WWC1: variants seen among roughly 807,000 people sequenced by gnomAD.
WWC1 encodes the protein WW and C2 domain containing 1.
WWC1 carries 55 observed loss-of-function variants against 138.4 expected under a neutral mutation model. The observed-to-expected ratio is 0.40, with a 90% CI of 0.32 to 0.50. The LOEUF (loss-of-function observed/expected upper bound fraction) is 0.50, where lower values mean the gene tolerates loss of function less well. WWC1 is among the 20% of genes least tolerant of loss of function. The probability of loss-of-function intolerance (pLI) is 0.72; values close to 1 mark genes in which losing one functional copy is unlikely to be tolerated. For synonymous variants in WWC1, 524 were observed against 564.9 expected, an observed-to-expected ratio of 0.93 and a Z score of 1.03; for missense variants, 1,226 against 1,420.4, an observed-to-expected ratio of 0.86 and a Z score of 2.20.
In WWC1 at chr5:168,422,063, C is replaced by T. The variant is rs376560859; in HGVS notation, c.1240C>T (p.Arg414Trp). Residue 414 changes from arginine (R) to tryptophan (W), a missense_variant, in exon 10 of 23, where the codon CGG becomes TGG. Physicochemically the swap from Arg to Trp is moderately radical, Grantham distance 101. Around this residue, in one of 3 missense-constraint regions of WWC1, gnomAD observed 1,016 missense variants for 1,153.9 expected, o/e 0.88. Coordinates refer to ENST00000265293, the MANE Select transcript of WWC1 (RefSeq NM_015238.3). ...QLVRELEEAT[R>W]QVATLHSQLK... ...TGTGAGAGAACTGGAGGAAGCCACC[C>T]GGCAGGTGGCAACTCTGCACTCCCA... is the stretch of plus-strand genomic sequence containing the variant. 56 of 1,612,696 alleles carry T rather than the reference C, an allele frequency of 3.5e-5. No homozygotes were observed. Among genetic ancestry groups the T allele is most frequent in the African/African-American group, 2.7e-4 (20 of 74,872 alleles).
chr5:168,351,600 C>G (rs1774961203), intron 1 of WWC1, among the ~76,000 whole-genome samples: 1 of 152,148 alleles, frequency 6.6e-6, no homozygotes, highest in African/African-American at 2.4e-5. Flanking sequence ...AGAGGTTGCT[C>G]TCCTGGGGCC....
intron 11 of WWC1, among the ~76,000 whole-genome samples, chr5:168,425,806 TC>T (rs961244933): frequency 6.6e-6 from 1 of 151,992 alleles, no homozygotes; most frequent in African/African-American, 2.4e-5. Context: ...GCCCCTTTTA[TC>T]CCCATCTTAA....
chr5:168,460,057 A>G (rs867126042), intron 19 of WWC1, among the ~76,000 whole-genome samples: 2 of 152,166 alleles, frequency 1.3e-5, no homozygotes, highest in Admixed American at 1.3e-4. Context: ...GCGGATGCCC[A>G]CGGGGAGAGT....
At chr5:168,463,603 A>G (rs145695156) in intron 20 of WWC1, among the ~76,000 whole-genome samples, 15 of 152,324 alleles carry the variant, frequency 9.8e-5, no homozygotes, top group African/African-American at 3.4e-4. Flanking sequence ...ACAGTCATGA[A>G]TTATTGTTTT....
intron 1 of WWC1, among the ~76,000 whole-genome samples, chr5:168,352,586 A>ATT (rs554411549): frequency 0.011 from 1,607 of 142,186 alleles, 33 homozygotes; most frequent in African/African-American, 0.038. Flanking sequence ...TATATATATA[A>ATT]TTTTTTTTTT....
chr5:168,456,454 G>A (rs921438317), intron 19 of WWC1, among the ~76,000 whole-genome samples: 1 of 152,114 alleles, frequency 6.6e-6, no homozygotes, highest in African/African-American at 2.4e-5. Flanking sequence ...CCCACATGGT[G>A]AAATCCTGTC....
In WWC1 at chr5:168,399,474, C is replaced by G. The variant is rs762520049; in HGVS notation, c.511-14C>G. The G allele has an allele frequency of 5.0e-6, 8 of 1,613,844 alleles. No homozygotes were observed. Among genetic ancestry groups the G allele is most frequent in the African/African-American group, 4.0e-5 (3 of 74,918 alleles). On this transcript the variant is annotated splice_polypyrimidine_tract_variant and intron_variant, in intron 4 of 22. Coordinates refer to ENST00000265293, the MANE Select transcript of WWC1 (RefSeq NM_015238.3). Reference sequence around the variant, plus strand: ...CCTCTGACCCAGCCCTGTGTGTGGTCTGCTGCCCTCCAGGTCAACAAGCTG... The same window carrying G: ...CCTCTGACCCAGCCCTGTGTGTGGTGTGCTGCCCTCCAGGTCAACAAGCTG...
intron 2 of WWC1, among the ~76,000 whole-genome samples, chr5:168,378,588 A>G (rs1777399736): frequency 6.6e-6 from 1 of 152,176 alleles, no homozygotes; most frequent in Non-Finnish European, 1.5e-5. Context: ...ATTCATTTCC[A>G]AGTATAGGAT....
intron 4 of WWC1, among the ~76,000 whole-genome samples, chr5:168,398,328 C>T (rs916996314): frequency 1.3e-5 from 2 of 152,120 alleles, no homozygotes; most frequent in African/African-American, 4.8e-5. Context: ...TGGTCTCGAT[C>T]TCCTGACCTC....
intron 1 of WWC1, among the ~76,000 whole-genome samples, chr5:168,355,257 G>A (rs575584241): frequency 2.3e-4 from 34 of 150,440 alleles, no homozygotes; most frequent in Non-Finnish European, 4.4e-4. Context: ...ACTTTGGGAG[G>A]CTGAGGTGGG....
chr5:168,307,336 C>T (rs1487589377), intron 1 of WWC1, among the ~76,000 whole-genome samples: 2 of 152,142 alleles, frequency 1.3e-5, no homozygotes, highest in South Asian at 2.1e-4. Context: ...AGAGCAACCC[C>T]GAACTAGTCC....
chr5:168,349,850 C>T (rs1203235650), intron 1 of WWC1, among the ~76,000 whole-genome samples: 1 of 152,148 alleles, frequency 6.6e-6, no homozygotes, highest in African/African-American at 2.4e-5. Context: ...AGTTCTGTGA[C>T]CAACAGCGGC....
At chr5:168,374,395 C>T (rs990915992) in intron 2 of WWC1, among the ~76,000 whole-genome samples, 4 of 140,432 alleles carry the variant, frequency 2.8e-5, no homozygotes, top group Non-Finnish European at 4.7e-5. Flanking sequence ...TGTGGTCTTC[C>T]GGGAAGAAGA....
chr5:168,340,236 C>T (rs9313408), intron 1 of WWC1, among the ~76,000 whole-genome samples: 89,858 of 151,744 alleles, frequency 0.59, 26,981 homozygotes, highest in Non-Finnish European at 0.65. Context: ...TCATCATGCC[C>T]GGCTAAGTTT....
chr5:168,321,037 G>T (rs866343938), intron 1 of WWC1, among the ~76,000 whole-genome samples: 1 of 152,182 alleles, frequency 6.6e-6, no homozygotes, highest in Non-Finnish European at 1.5e-5. Context: ...GGTTTCTGTT[G>T]CTACATGGGT....
intron 1 of WWC1, among the ~76,000 whole-genome samples, chr5:168,362,256 T>C (rs753587395): frequency 6.6e-6 from 1 of 152,202 alleles, no homozygotes; most frequent in Non-Finnish European, 1.5e-5. Context: ...GCTGAGTAAA[T>C]ATATAAATAC....
At chr5:168,378,335 A>G (rs1440576558) in intron 2 of WWC1, among the ~76,000 whole-genome samples, 1 of 152,170 alleles carries the variant, frequency 6.6e-6, no homozygotes, top group Non-Finnish European at 1.5e-5. Flanking sequence ...ATTAGGTACT[A>G]TGCACAGTAT....
At position 168,414,902 on chromosome 5, in the gene WWC1, C is replaced by T. The variant is rs573844619; in HGVS notation, c.1184+312C>T. ...CTATATAACTTAAAGCAGTCATTTT[C>T]CAACTTTTTGACAGTGATGCACATT... On this transcript the variant is annotated intron_variant, in intron 9 of 22. Coordinates refer to ENST00000265293, the MANE Select transcript of WWC1 (RefSeq NM_015238.3). The T allele has an allele frequency of 1.9e-5, 6 of 308,248 alleles. No homozygotes were observed. The South Asian group carries it at 3.0e-4, about 15-fold the overall frequency. 19.1% of individuals were successfully genotyped at this position (308,248 alleles called of 1,614,324 possible).
chr5:168,437,042 C>A (rs1421202435), intron 15 of WWC1, among the ~76,000 whole-genome samples: 2 of 151,170 alleles, frequency 1.3e-5, no homozygotes, highest in Non-Finnish European at 2.9e-5. Context: ...GATTATATCC[C>A]CAAAACTCTT....
Sources: allele counts gnomAD v4.1 joint callset (sites outside exome capture counted in the v4.1 genomes callset), GRCh38; gene constraint gnomAD v4.1.1; regional missense constraint gnomAD v4.1.1; transcripts MANE v1.5; gene names NCBI Gene and HGNC (gene_info 2026-07-23, HGNC 2026-07-21).